The following FYB2 variants were observed in gnomAD, a reference collection of about 807,000 sequenced individuals.
The protein encoded by FYB2 is FYN-binding protein 2.
In FYB2, 103 loss-of-function variants were observed where a neutral mutation model predicts 94.1. That is an observed-to-expected ratio of 1.09 (90% CI 0.93 to 1.29). The LOEUF (loss-of-function observed/expected upper bound fraction) is 1.29. FYB2 is among the 50% of genes most tolerant of loss of function. The pLI is 0.00. For synonymous variants in FYB2, 293 were observed against 287.9 expected (o/e 1.02, Z -0.18); for missense variants, 896 against 841.5 (o/e 1.06, Z -0.80).
At chr1:56,743,392 G>T (rs1179869221) in intron 11 of FYB2, among the ~76,000 whole-genome samples, 1 of 151,968 alleles carries the variant, frequency 6.6e-6, no homozygotes, top group Admixed American at 6.6e-5. Flanking sequence ...CTATGAAAAA[G>T]AAGTCCATGG....
In FYB2 at chr1:56,740,750, C is replaced by T; in HGVS notation, c.1650G>A (p.Lys550=). Residue 550 remains lysine (K), a synonymous_variant, in exon 13 of 20, where the codon AAG becomes AAA. Transcript: ENST00000343433. ...EALKRLQQFF[K]KEKDRFKIKK... is the part of the protein sequence containing the mutation. Reference sequence around the variant, plus strand: ...TTATTTTAAATCTATCCTTTTCTTTCTTGAAGAATTGCTGCAGTCTTTTGA... The same window carrying T: ...TTATTTTAAATCTATCCTTTTCTTTTTTGAAGAATTGCTGCAGTCTTTTGA... 2 of 1,608,054 alleles carry T rather than the reference C, an allele frequency of 1.2e-6. No homozygotes were observed. The highest frequency in any genetic ancestry group is 1.7e-6 in the Non-Finnish European group (2 of 1,176,894).
At chr1:56,733,093 G>A (rs1455069329) in intron 15 of FYB2, among the ~76,000 whole-genome samples, 4 of 151,894 alleles carry the variant, frequency 2.6e-5, no homozygotes, top group Admixed American at 6.6e-5. Flanking sequence ...TCTGACAGGT[G>A]ATTAATATCC....
At chr1:56,785,437 T>C (rs1397019762) in intron 4 of FYB2, among the ~76,000 whole-genome samples, 2 of 152,214 alleles carry the variant, frequency 1.3e-5, no homozygotes, top group African/African-American at 2.4e-5. Flanking sequence ...TAGATTATTC[T>C]CTCTCTTTCA....
At chr1:56,736,922 T>C (rs1644842158) in intron 15 of FYB2, among the ~76,000 whole-genome samples, 165 bp downstream of exon 15, 1 of 152,122 alleles carries the variant, frequency 6.6e-6, no homozygotes, top group Non-Finnish European at 1.5e-5. Flanking sequence ...TTTTGGATCA[T>C]ATATGTTATT....
intron 5 of FYB2, among the ~76,000 whole-genome samples, chr1:56,763,452 ATTAT>A (rs1383069961): frequency 6.6e-6 from 1 of 152,154 alleles, no homozygotes; most frequent in Non-Finnish European, 1.5e-5. Context: ...GGCTAATCAA[ATTAT>A]TTATTTTGAG....
chr1:56,783,292 G>A (rs751140660), intron 4 of FYB2, among the ~76,000 whole-genome samples: 11 of 152,162 alleles, frequency 7.2e-5, no homozygotes, highest in African/African-American at 2.7e-4. Flanking sequence ...CTTGTCTAAG[G>A]TATGGAAGAG....
intron 1 of FYB2, among the ~76,000 whole-genome samples, chr1:56,816,077 T>C (rs1158837275): frequency 1.3e-5 from 2 of 152,198 alleles, no homozygotes; most frequent in African/African-American, 4.8e-5. Context: ...AAGAAGGATA[T>C]ATATAATTGT....
chr1:56,819,554 C>T (rs891989788), upstream of FYB2: 2 of 578,708 alleles, frequency 3.5e-6, no homozygotes, highest in Admixed American at 3.0e-5. Flanking sequence ...CACCTGCAGT[C>T]CTGCCAAGCC....
At chr1:56,823,344 C>T (rs1414020883), upstream of FYB2, among the ~76,000 whole-genome samples, 2 of 151,820 alleles carry the variant, frequency 1.3e-5, no homozygotes, top group Admixed American at 1.3e-4. Flanking sequence ...AGATAATAGC[C>T]ATGTAGAAGA....
At chr1:56,811,834 G>A (rs1050444322) in intron 1 of FYB2, among the ~76,000 whole-genome samples, 7 of 152,176 alleles carry the variant, frequency 4.6e-5, no homozygotes, top group Non-Finnish European at 1.5e-5. Context: ...GGTGTGGAAG[G>A]TGGTTCTTCC....
intron 17 of FYB2, among the ~76,000 whole-genome samples, chr1:56,723,209 A>G (rs1644519574): frequency 1.3e-5 from 2 of 149,894 alleles, no homozygotes; most frequent in Non-Finnish European, 2.9e-5. Context: ...TCACAGACAC[A>G]CACACACACA....
chr1:56,751,007 G>A lies in FYB2; in HGVS notation c.1387+37C>T, dbSNP rs561951544. On this transcript the variant is annotated intron_variant, in intron 9 of 19. Coordinates refer to ENST00000343433, the MANE Select transcript of FYB2 (RefSeq NM_001004303.5). ...GCCATGCTCAGCTATAAAACAAATT[G>A]TAATGATGAAGAAGATCAGAAAGAA... The A allele has an allele frequency of 7.5e-6, 12 of 1,593,756 alleles. No individual in the cohort carries two copies. The South Asian group carries it at 1.1e-4, about 15-fold the overall frequency.
chr1:56,797,549 G>A (rs1335211419), intron 1 of FYB2, among the ~76,000 whole-genome samples: 1 of 152,082 alleles, frequency 6.6e-6, no homozygotes, highest in Non-Finnish European at 1.5e-5. Context: ...GCCCAACAGA[G>A]GTGTCCATAG....
chr1:56,778,498 A>G (rs950945667), intron 4 of FYB2, among the ~76,000 whole-genome samples: 1 of 152,150 alleles, frequency 6.6e-6, no homozygotes, highest in Non-Finnish European at 1.5e-5. Context: ...AACACTGGGA[A>G]CTCTTTGACA....
At chr1:56,754,851 AT>A (rs1218331718) in intron 7 of FYB2, among the ~76,000 whole-genome samples, 1 of 152,104 alleles carries the variant, frequency 6.6e-6, no homozygotes, top group African/African-American at 2.4e-5. Flanking sequence ...GTTGAACTAA[AT>A]AATGAATCAT....
At chr1:56,784,163 T>C (rs1432185974) in intron 4 of FYB2, among the ~76,000 whole-genome samples, 3 of 152,186 alleles carry the variant, frequency 2.0e-5, no homozygotes, top group Non-Finnish European at 2.9e-5. Context: ...TACATTATGG[T>C]TGAAAATAAT....
chr1:56,747,322 G>A (rs1645091011), intron 9 of FYB2, among the ~76,000 whole-genome samples: 1 of 151,474 alleles, frequency 6.6e-6, no homozygotes. Flanking sequence ...GTTGTGCCAT[G>A]GTGGTTTGCT....
intron 1 of FYB2, among the ~76,000 whole-genome samples, chr1:56,813,000 C>A (rs1044841552): frequency 6.6e-6 from 1 of 152,162 alleles, no homozygotes; most frequent in African/African-American, 2.4e-5. Context: ...AGGGTTGGTT[C>A]TTTTCTGAGG....
At chr1:56,765,943 T>C (rs1414841682) in intron 5 of FYB2, among the ~76,000 whole-genome samples, 1 of 152,190 alleles carries the variant, frequency 6.6e-6, no homozygotes, top group Non-Finnish European at 1.5e-5. Flanking sequence ...TGAAATGAGC[T>C]ACTTGCAGGG....
Sources: gnomAD v4.1 joint callset for allele counts (sites outside exome capture counted in the v4.1 genomes callset) on GRCh38, gnomAD v4.1.1 for gene constraint, MANE v1.5 for transcripts, NCBI Gene and HGNC (gene_info 2026-07-23, HGNC 2026-07-21) for gene names.